The following TNIK variants were observed in gnomAD, a reference collection of about 807,000 sequenced individuals.
The protein encoded by TNIK is TRAF2 and NCK-interacting protein kinase.
Under a neutral mutation model 191.3 loss-of-function variants are expected in TNIK, and 49 were observed. The observed-to-expected ratio is 0.26, with a 90% CI of 0.20 to 0.32. TNIK has a LOEUF of 0.32. Ranked by LOEUF, TNIK falls within the 10% of genes least tolerant of loss-of-function variation. The probability of loss-of-function intolerance (pLI) is 1.00; values close to 1 mark genes in which losing one functional copy is unlikely to be tolerated. For synonymous variants in TNIK, 594 were observed against 600.9 expected, an observed-to-expected ratio of 0.99 and a Z score of 0.17; for missense variants, 1,155 against 1,702.3, an observed-to-expected ratio of 0.68 and a Z score of 5.66.
intron 2 of TNIK, among the ~76,000 whole-genome samples, chr3:171,282,557 T>G (rs934848763): frequency 2.0e-5 from 3 of 152,130 alleles, no homozygotes; most frequent in Non-Finnish European, 4.4e-5. Flanking sequence ...TTGGCCAGGC[T>G]GGTCCCGAAC....
intron 5 of TNIK, 77 bp from the exon 6 acceptor site, chr3:171,190,864 A>G (rs1737983670): frequency 8.7e-7 from 1 of 1,150,740 alleles, no homozygotes; most frequent in Non-Finnish European, 1.2e-6. Context: ...ACTGTTAAGG[A>G]TCCAAAAACT....
At chr3:171,415,279 C>A (rs1036395454) in intron 1 of TNIK, among the ~76,000 whole-genome samples, 10 of 152,180 alleles carry the variant, frequency 6.6e-5, no homozygotes, top group African/African-American at 2.4e-4. Context: ...CATCATAGCA[C>A]TTAACCACTA....
intron 29 of TNIK, 42 bp downstream of exon 29, chr3:171,071,181 A>C: frequency 6.6e-7 from 1 of 1,511,428 alleles, no homozygotes; most frequent in Middle Eastern, 1.7e-4. Context: ...GAAACGGAAA[A>C]TTTTTAAAAA....
chr3:171,229,584 T>G (rs968005715), intron 2 of TNIK, among the ~76,000 whole-genome samples: 3 of 152,202 alleles, frequency 2.0e-5, no homozygotes, highest in African/African-American at 7.2e-5. Context: ...TTTGTGTTCT[T>G]AAATCCTTTC....
intron 2 of TNIK, among the ~76,000 whole-genome samples, chr3:171,358,319 C>T (rs76951418): frequency 0.015 from 2,228 of 152,164 alleles, 26 homozygotes; most frequent in African/African-American, 0.031. Context: ...TCCACATGGC[C>T]GGGGAAGCCT....
chr3:171,340,458 T>C (rs1757403498), intron 2 of TNIK, among the ~76,000 whole-genome samples: 1 of 152,078 alleles, frequency 6.6e-6, no homozygotes, highest in Non-Finnish European at 1.5e-5. Context: ...ACAGGATGAG[T>C]GCAGTTTGAA....
At chr3:171,235,488 T>TCCC (rs960916200) in intron 2 of TNIK, among the ~76,000 whole-genome samples, 89 of 152,136 alleles carry the variant, frequency 5.9e-4, no homozygotes, top group African/African-American at 2.1e-3. Context: ...ACAATAGCCT[T>TCCC]CCCTATCCCC....
chr3:171,347,122 G>A (rs1015506823), intron 2 of TNIK: 98 of 1,511,378 alleles, frequency 6.5e-5, no homozygotes, highest in Non-Finnish European at 8.1e-5. Flanking sequence ...AATAGGATCA[G>A]CTGGGCTTGG....
At chr3:171,342,252 G>A (rs1757610643) in intron 2 of TNIK, among the ~76,000 whole-genome samples, 1 of 152,184 alleles carries the variant, frequency 6.6e-6, no homozygotes, top group East Asian at 1.9e-4. Context: ...TCTAAAGTGG[G>A]ACCAGATAAT....
At chr3:171,081,417 G>A (rs2108363153) in intron 27 of TNIK, among the ~76,000 whole-genome samples, 1 of 151,354 alleles carries the variant, frequency 6.6e-6, no homozygotes, top group East Asian at 1.9e-4. Context: ...CTGTACAATG[G>A]AAACACATCA....
At chr3:171,230,723 C>T (rs997069053) in intron 2 of TNIK, among the ~76,000 whole-genome samples, 1 of 152,152 alleles carries the variant, frequency 6.6e-6, no homozygotes, top group Non-Finnish European at 1.5e-5. Flanking sequence ...TCCTCTGATA[C>T]CTCACTTGTC....
intron 12 of TNIK, among the ~76,000 whole-genome samples, chr3:171,153,991 A>G (rs34344175): frequency 0.15 from 22,241 of 152,184 alleles, 2,369 homozygotes; most frequent in African/African-American, 0.3. Context: ...CTAGTGTCTA[A>G]CATGGTGCCC....
intron 7 of TNIK, among the ~76,000 whole-genome samples, chr3:171,186,739 A>G (rs1041495590): frequency 2.0e-5 from 3 of 152,240 alleles, no homozygotes; most frequent in Non-Finnish European, 4.4e-5. Context: ...ATACTTTTAT[A>G]GCCAGGTGAG....
At chr3:171,104,562 T>C (rs1195668808) in intron 21 of TNIK, among the ~76,000 whole-genome samples, 1 of 149,972 alleles carries the variant, frequency 6.7e-6, no homozygotes, top group East Asian at 1.9e-4. Context: ...TAGAATCAAC[T>C]AGATATAATT....
chr3:171,081,240 C>A (rs1484196605), intron 27 of TNIK, among the ~76,000 whole-genome samples: 3 of 151,988 alleles, frequency 2.0e-5, no homozygotes, highest in Non-Finnish European at 4.4e-5. Flanking sequence ...AGAGATGAAA[C>A]TGAGCATTCA....
At chr3:171,274,535 G>A (rs911250872) in intron 2 of TNIK, among the ~76,000 whole-genome samples, 7 of 152,164 alleles carry the variant, frequency 4.6e-5, no homozygotes, top group African/African-American at 1.7e-4. Context: ...ATATAAAAAT[G>A]TTATAATATA....
intron 1 of TNIK, among the ~76,000 whole-genome samples, chr3:171,452,729 AACACAC>A (rs10602125): frequency 0.033 from 4,763 of 142,586 alleles, 120 homozygotes; most frequent in Middle Eastern, 0.08. Context: ...ACACACTCCA[AACACAC>A]ACACACACAC....
intron 27 of TNIK, 35 bp downstream of exon 27, chr3:171,082,216 A>T: frequency 6.2e-7 from 1 of 1,603,246 alleles, no homozygotes. Context: ...TTCCCGCTGT[A>T]TGGACCTGGG....
intron 17 of TNIK, among the ~76,000 whole-genome samples, chr3:171,124,180 G>A (rs771723300): frequency 1.3e-5 from 2 of 152,160 alleles, no homozygotes; most frequent in Non-Finnish European, 2.9e-5. Context: ...AGAATATCAG[G>A]ATAGAGCTTA....
Sources: gnomAD v4.1 joint callset for allele counts (sites outside exome capture counted in the v4.1 genomes callset) on GRCh38, gnomAD v4.1.1 for gene constraint, MANE v1.5 for transcripts, NCBI Gene and HGNC (gene_info 2026-07-23, HGNC 2026-07-21) for gene names.